The following ESRRG variants were observed in gnomAD, a reference collection of about 807,000 sequenced individuals.
ESRRG encodes estrogen-related receptor gamma.
ESRRG carries 13 observed loss-of-function variants against 44.0 expected under a neutral mutation model. The observed-to-expected ratio is 0.30, with a 90% CI of 0.19 to 0.47. ESRRG has a LOEUF of 0.47. Ranked by LOEUF, ESRRG falls within the 20% of genes least tolerant of loss-of-function variation. The pLI, the probability that ESRRG is intolerant of heterozygous loss-of-function variation, is 1.00. For missense variants in ESRRG, 395 were observed against 580.6 expected (o/e 0.68, Z 3.29); for synonymous variants, 215 against 214.6 (o/e 1.00, Z -0.02).
rs11808077 is a variant in ESRRG at position 216,973,711 on chromosome 1, A to G, written c.-105-34038T>C. Among the ~76,000 whole-genome samples, 802 of 152,044 alleles carry G rather than the reference A, an allele frequency of 5.3e-3. 7 individuals are homozygous for G. The highest frequency in any genetic ancestry group is 0.019 in the African/African-American group (790 of 41,460). On this transcript the variant is annotated intron_variant, in intron 1 of 7. Coordinates refer to the ESRRG transcript ENST00000359162. Reference sequence around the variant, plus strand: ...TGTGGCGGTACATGGTTTTAATCCCAGCTACTCGGGAGGCTGAGGCGCAAG... The same window carrying G: ...TGTGGCGGTACATGGTTTTAATCCCGGCTACTCGGGAGGCTGAGGCGCAAG...
intron 1 of ESRRG, among the ~76,000 whole-genome samples, chr1:216,720,297 A>T (rs2085937652): frequency 6.6e-6 from 1 of 152,134 alleles, no homozygotes; most frequent in South Asian, 2.1e-4. Flanking sequence ...TGTCACTTCA[A>T]GCAGTTTACA....
chr1:216,683,076 T>A (rs1368221370), intron 1 of ESRRG, among the ~76,000 whole-genome samples: 1 of 152,142 alleles, frequency 6.6e-6, no homozygotes, highest in Non-Finnish European at 1.5e-5. Context: ...AGACAGGGTG[T>A]CATTATGGCA....
intron 1 of ESRRG, among the ~76,000 whole-genome samples, chr1:216,965,100 G>A (rs183610336): frequency 3.0e-4 from 46 of 151,954 alleles, no homozygotes; most frequent in Admixed American, 2.7e-3. Flanking sequence ...CCATGAAAAT[G>A]CAAGTCAAAT....
intron 5 of ESRRG, among the ~76,000 whole-genome samples, chr1:216,525,300 C>T (rs2047307592): frequency 6.6e-6 from 1 of 151,076 alleles, no homozygotes; most frequent in Non-Finnish European, 1.5e-5. Flanking sequence ...AATGTAAAGA[C>T]CATCTACACG....
chr1:216,970,595 T>A (rs547256421), intron 1 of ESRRG, among the ~76,000 whole-genome samples: 2 of 152,286 alleles, frequency 1.3e-5, no homozygotes, highest in East Asian at 3.9e-4. Context: ...CTAATTATTA[T>A]CTATGAGTGT....
chr1:216,973,869 A>G (rs1197403829), intron 1 of ESRRG, among the ~76,000 whole-genome samples: 1 of 152,000 alleles, frequency 6.6e-6, no homozygotes, highest in East Asian at 1.9e-4. Context: ...GAATGAATAG[A>G]TGAATCCCAA....
At chr1:216,942,086 G>A (rs2065327352) in intron 1 of ESRRG, among the ~76,000 whole-genome samples, 1 of 150,938 alleles carries the variant, frequency 6.6e-6, no homozygotes, top group South Asian at 2.1e-4. Context: ...CTCTTTTGGA[G>A]TCCCCAGTGT....
intron 2 of ESRRG, among the ~76,000 whole-genome samples, chr1:216,807,614 G>A (rs1394741866): frequency 6.6e-6 from 1 of 151,998 alleles, no homozygotes; most frequent in East Asian, 1.9e-4. Flanking sequence ...ACAGATATCT[G>A]ACAGAAAGGA....
intron 3 of ESRRG, among the ~76,000 whole-genome samples, chr1:216,603,821 G>T (rs144899721): frequency 6.6e-6 from 1 of 151,900 alleles, no homozygotes; most frequent in South Asian, 2.1e-4. Context: ...CCAGCTACTC[G>T]GCGGGATGAG....
chr1:216,757,211 T>C (rs1329576974), intron 2 of ESRRG, among the ~76,000 whole-genome samples: 2 of 152,028 alleles, frequency 1.3e-5, no homozygotes, highest in African/African-American at 2.4e-5. Flanking sequence ...TTTTCGTTAC[T>C]GGTTATTTAT....
chr1:216,559,855 C>G (rs1484188563), intron 5 of ESRRG, among the ~76,000 whole-genome samples: 2 of 152,130 alleles, frequency 1.3e-5, no homozygotes, highest in Non-Finnish European at 2.9e-5. Flanking sequence ...CAAGCAGTAT[C>G]TTTAGCAATA....
chr1:217,031,959 A>G (rs926330554), intron 1 of ESRRG, among the ~76,000 whole-genome samples: 1 of 152,200 alleles, frequency 6.6e-6, no homozygotes, highest in African/African-American at 2.4e-5. Context: ...TCTTTATAGC[A>G]GCATGAGAAC....
At chr1:216,943,000 G>A (rs2065492108) in intron 1 of ESRRG, among the ~76,000 whole-genome samples, 2 of 152,084 alleles carry the variant, frequency 1.3e-5, no homozygotes. Flanking sequence ...GTAAGCTGAT[G>A]ATTGCCTATC....
chr1:216,937,209 T>C (rs1238116939), intron 2 of ESRRG, among the ~76,000 whole-genome samples: 3 of 151,572 alleles, frequency 2.0e-5, no homozygotes. Context: ...GACAAAGACA[T>C]TAAAGATGGA....
At chr1:216,878,526 A>G (rs1317136627) in intron 2 of ESRRG, among the ~76,000 whole-genome samples, 1 of 152,172 alleles carries the variant, frequency 6.6e-6, no homozygotes, top group African/African-American at 2.4e-5. Context: ...TATTTCTTTC[A>G]TAGTTTTACC....
intron 3 of ESRRG, among the ~76,000 whole-genome samples, chr1:216,642,561 A>C (rs1402803960): frequency 6.6e-6 from 1 of 152,156 alleles, no homozygotes; most frequent in Non-Finnish European, 1.5e-5. Flanking sequence ...GTTTTGTTTA[A>C]TACTCTGCAT....
In ESRRG at chr1:216,504,144, T is replaced by C; in HGVS notation, c.*2795A>G. ...CTCAGGTTTTCAGTTGGTTGGCTCT[T>C]ACTTCTGAAGCCCAAGTACTTTAAT... is the stretch of plus-strand genomic sequence containing the variant. On this transcript the variant is annotated 3_prime_UTR_variant, in exon 7 of 7. Transcript: ENST00000408911. 6.6e-6 allele frequency: 1 copy of C among 152,532 alleles called. No individual in the cohort carries two copies. Among genetic ancestry groups the C allele is most frequent in the Non-Finnish European group, 1.5e-5 (1 of 67,980 alleles). The allele number at this position is 152,532 out of a possible 1,614,324, so 9.4% of individuals were successfully genotyped here.
upstream of ESRRG, among the ~76,000 whole-genome samples, chr1:216,723,648 A>C (rs545428710): frequency 2.6e-5 from 4 of 152,232 alleles, 1 homozygote; most frequent in African/African-American, 9.6e-5. Context: ...GAGTGGGCAG[A>C]GAAAAAGGGA....
rs771996782 is a variant in ESRRG at position 216,988,632 on chromosome 1, C to G, written c.-105-48959G>C. Among the ~76,000 whole-genome samples the G allele has an allele frequency of 3.0e-4, 45 of 152,136 alleles. 1 individual carries two copies. Among genetic ancestry groups the G allele is most frequent in the Non-Finnish European group, 5.7e-4 (39 of 68,034 alleles). On this transcript the variant is annotated intron_variant, in intron 1 of 7. Coordinates refer to the ESRRG transcript ENST00000359162. ...TGAATATTCAATCCATACTTAGTTCCTCTTTAGGGGTAGCTACTTGAGCTT... is the reference window on the plus strand; with the variant it reads ...TGAATATTCAATCCATACTTAGTTCGTCTTTAGGGGTAGCTACTTGAGCTT...
Sources: gnomAD v4.1 joint callset for allele counts (sites outside exome capture counted in the v4.1 genomes callset) on GRCh38, gnomAD v4.1.1 for gene constraint, MANE v1.5 for transcripts, NCBI Gene and HGNC (gene_info 2026-07-23, HGNC 2026-07-21) for gene names.